The following NMNAT3 variants were observed in gnomAD, a reference collection of about 807,000 sequenced individuals.
NMNAT3 encodes the protein nicotinamide nucleotide adenylyltransferase 3, also known as nicotinamide/nicotinic acid mononucleotide adenylyltransferase 3.
Under a neutral mutation model 24.8 loss-of-function variants are expected in NMNAT3, and 21 were observed. That is an observed-to-expected ratio of 0.85 (90% CI 0.60 to 1.22). The LOEUF is 1.22. Among genes scored for constraint, NMNAT3 ranks in the 50% most tolerant of loss-of-function variants. NMNAT3 has a pLI of 0.00. For synonymous variants in NMNAT3, 136 were observed against 155.2 expected, an observed-to-expected ratio of 0.88 and a Z score of 0.92; for missense variants, 387 against 436.6, an observed-to-expected ratio of 0.89 and a Z score of 1.01.
At chr3:139,661,754 A>G (rs926519005) in intron 1 of NMNAT3, among the ~76,000 whole-genome samples, 4 of 152,190 alleles carry the variant, frequency 2.6e-5, no homozygotes, top group African/African-American at 9.7e-5. Flanking sequence ...ACATACTTCT[A>G]TATTTACTTC....
At chr3:139,577,066 G>A (rs1488763354) in intron 5 of NMNAT3, among the ~76,000 whole-genome samples, 2 of 151,720 alleles carry the variant, frequency 1.3e-5, no homozygotes, top group Non-Finnish European at 2.9e-5. Context: ...CTTGGCAGCT[G>A]AAGTGGTGGG....
chr3:139,582,341 C>T (rs1462125759), intron 4 of NMNAT3, among the ~76,000 whole-genome samples: 1 of 150,532 alleles, frequency 6.6e-6, no homozygotes, highest in African/African-American at 2.4e-5. Context: ...TATTCTTATT[C>T]TTAGAAAATG....
chr3:139,671,359 C>T (rs1207541982), intron 1 of NMNAT3, among the ~76,000 whole-genome samples: 1 of 152,168 alleles, frequency 6.6e-6, no homozygotes, highest in African/African-American at 2.4e-5. Flanking sequence ...GTAATTTGTT[C>T]TCCTCCTATA....
At chr3:139,642,667 C>T (rs1277038898) in intron 1 of NMNAT3, among the ~76,000 whole-genome samples, 1 of 152,128 alleles carries the variant, frequency 6.6e-6, no homozygotes, top group Non-Finnish European at 1.5e-5. Context: ...CCATGGGCAC[C>T]ATGGGGACAT....
intron 1 of NMNAT3, among the ~76,000 whole-genome samples, chr3:139,652,306 G>T (rs1171198666): frequency 6.6e-6 from 1 of 152,204 alleles, no homozygotes; most frequent in Non-Finnish European, 1.5e-5. Context: ...GGCTCCGGGT[G>T]AACAATCCAA....
At chr3:139,648,438 G>T (rs947010387) in intron 1 of NMNAT3, among the ~76,000 whole-genome samples, 3 of 152,194 alleles carry the variant, frequency 2.0e-5, no homozygotes, top group African/African-American at 7.2e-5. Flanking sequence ...TCTGGGCAGC[G>T]TCCCCTCCTG....
rs974334828 is a variant in NMNAT3 at position 139,560,247 on chromosome 3, A to G, written c.*763T>C. 3.9e-5 allele frequency: 6 copies of G among 152,666 alleles called. No homozygotes were observed. Among genetic ancestry groups the G allele is most frequent in the Non-Finnish European group, 7.3e-5 (5 of 68,038 alleles). 9.5% of individuals were successfully genotyped at this position (152,666 alleles called of 1,614,324 possible). On this transcript the variant is annotated 3_prime_UTR_variant, in exon 7 of 7. Coordinates refer to ENST00000643695, the MANE Select transcript of NMNAT3 (RefSeq NM_001320510.2). The stretch of plus-strand genomic sequence containing the variant: ...TTTGCCAGTATTCAAACAGACAGGC[A>G]GTCATAAAACATTAAAAAAGATCCT...
chr3:139,560,939 A>G lies in NMNAT3; in HGVS notation c.*71T>C. The G allele has an allele frequency of 1.3e-6, 2 of 1,486,028 alleles. No homozygotes were observed. The highest frequency in any genetic ancestry group is 1.3e-5 in the South Asian group (1 of 75,566). 92.1% of individuals were successfully genotyped at this position (1,486,028 alleles called of 1,614,324 possible). A position where few individuals can be genotyped will look rare whatever the true frequency, so the allele number is the denominator to read the frequency against. ...ATGGAGAAGCAAAAACCAAAGTAAAACAGAAACCTTAACAGCCCTCTCCCC... is the reference window on the plus strand; with the variant it reads ...ATGGAGAAGCAAAAACCAAAGTAAAGCAGAAACCTTAACAGCCCTCTCCCC... On this transcript the variant is annotated 3_prime_UTR_variant, in exon 7 of 7. Transcript: ENST00000643695.
At chr3:139,593,598 T>G (rs1226240618) in intron 3 of NMNAT3, among the ~76,000 whole-genome samples, 1 of 151,532 alleles carries the variant, frequency 6.6e-6, no homozygotes, top group East Asian at 1.9e-4. Context: ...TAACAGAAAT[T>G]ATAACAAACT....
chr3:139,662,434 C>T (rs2057445915), intron 1 of NMNAT3, among the ~76,000 whole-genome samples: 1 of 152,136 alleles, frequency 6.6e-6, no homozygotes, highest in Non-Finnish European at 1.5e-5. Flanking sequence ...TCACAGAGTG[C>T]CTGGCCCATA....
chr3:139,596,065 C>A (rs1226822852), intron 3 of NMNAT3, among the ~76,000 whole-genome samples: 1 of 152,156 alleles, frequency 6.6e-6, no homozygotes, highest in East Asian at 1.9e-4. Context: ...AGCCACTTGC[C>A]CTGAATCTGC....
intron 3 of NMNAT3, among the ~76,000 whole-genome samples, chr3:139,587,678 TG>T (rs1458213979): frequency 1.3e-5 from 2 of 152,206 alleles, no homozygotes; most frequent in African/African-American, 4.8e-5. Flanking sequence ...ATGGAAATGG[TG>T]GCTTAAGATC....
At chr3:139,569,175 T>C (rs1442888178) in intron 6 of NMNAT3, 2 of 61,362 alleles carry the variant, frequency 3.3e-5, no homozygotes, top group Non-Finnish European at 7.8e-5. Flanking sequence ...CCCTGCCTTT[T>C]TTTGTTTTCC....
chr3:139,630,630 G>GCA (rs1166659626), intron 2 of NMNAT3, among the ~76,000 whole-genome samples: 4 of 152,170 alleles, frequency 2.6e-5, no homozygotes, highest in Non-Finnish European at 4.4e-5. Context: ...CTGAAACAGG[G>GCA]CACTGGCAGG....
intron 3 of NMNAT3, among the ~76,000 whole-genome samples, chr3:139,588,843 A>T (rs1415198899): frequency 6.6e-6 from 1 of 152,196 alleles, no homozygotes; most frequent in East Asian, 1.9e-4. Context: ...AGACAGAAGG[A>T]TTAAGTATGT....
At chr3:139,641,511 TC>T (rs1044037590) in intron 1 of NMNAT3, among the ~76,000 whole-genome samples, 2 of 152,038 alleles carry the variant, frequency 1.3e-5, no homozygotes, top group African/African-American at 4.8e-5. Flanking sequence ...TCCCTGGGCC[TC>T]AAGGTCAACA....
chr3:139,573,076 A>G (rs1203992791), intron 6 of NMNAT3, among the ~76,000 whole-genome samples: 1 of 152,204 alleles, frequency 6.6e-6, no homozygotes, highest in Admixed American at 6.5e-5. Context: ...GAACACCAGG[A>G]AATTACAACA....
At chr3:139,570,095 A>G (rs1937920060) in intron 6 of NMNAT3, 1 of 151,954 alleles carries the variant, frequency 6.6e-6, no homozygotes, top group Non-Finnish European at 1.5e-5. Flanking sequence ...CATTCATTTC[A>G]TCTTCCATCA....
intron 3 of NMNAT3, among the ~76,000 whole-genome samples, chr3:139,613,121 A>G (rs1051481395): frequency 6.6e-6 from 1 of 152,144 alleles, no homozygotes; most frequent in Admixed American, 6.5e-5. Context: ...AACAAAAGCA[A>G]AAATTGACAA....
Sources: gnomAD v4.1 joint callset for allele counts (sites outside exome capture counted in the v4.1 genomes callset) on GRCh38, gnomAD v4.1.1 for gene constraint, MANE v1.5 for transcripts, NCBI Gene and HGNC (gene_info 2026-07-23, HGNC 2026-07-21) for gene names.